SLC5A7: variants seen among roughly 807,000 people sequenced by gnomAD.
SLC5A7 encodes solute carrier family 5 member 7, also known as high affinity choline transporter 1.
Under a neutral mutation model 55.4 loss-of-function variants are expected in SLC5A7, and 19 were observed. The ratio of observed to expected loss-of-function variants is 0.34; its 90% confidence interval spans 0.24 to 0.50. The LOEUF is 0.50. SLC5A7 is among the 20% of genes least tolerant of loss of function. SLC5A7 has a pLI of 0.98. For synonymous variants in SLC5A7, 265 were observed against 263.7 expected (o/e 1.00, Z -0.05); for missense variants, 506 against 705.3 (o/e 0.72, Z 3.20).
At chr2:107,997,786 G>A in intron 4 of SLC5A7, 52 bp from the exon 5 acceptor site, 1 of 1,495,664 alleles carries the variant, frequency 6.7e-7, no homozygotes, top group Non-Finnish European at 9.0e-7. Flanking sequence ...CTTATACAAA[G>A]AGCAGAATCT....
chr2:108,006,271 C>A, intron 7 of SLC5A7, 69 bp downstream of exon 7: 1 of 1,555,756 alleles, frequency 6.4e-7, no homozygotes, highest in African/African-American at 1.4e-5. Context: ...ACCCTTCTGT[C>A]CCACTCCCCT....
chr2:107,987,100 G>A (rs1340775816), intron 1 of SLC5A7, among the ~76,000 whole-genome samples: 2 of 151,984 alleles, frequency 1.3e-5, no homozygotes, highest in East Asian at 3.9e-4. Flanking sequence ...TTCCAGAGAG[G>A]CTGATTCTTT....
chr2:107,990,968 T>G (rs1677431176), intron 2 of SLC5A7, among the ~76,000 whole-genome samples: 1 of 152,200 alleles, frequency 6.6e-6, no homozygotes, highest in South Asian at 2.1e-4. Flanking sequence ...CCATCATAAC[T>G]TTACACAAAT....
At chr2:107,996,757 T>C (rs940853697) in intron 4 of SLC5A7, among the ~76,000 whole-genome samples, 3 of 152,270 alleles carry the variant, frequency 2.0e-5, no homozygotes, top group African/African-American at 7.2e-5. Context: ...AACAATGTTA[T>C]AAAGAGAAAC....
At chr2:107,996,781 C>T (rs1677686734) in intron 4 of SLC5A7, among the ~76,000 whole-genome samples, 1 of 152,076 alleles carries the variant, frequency 6.6e-6, no homozygotes, top group Non-Finnish European at 1.5e-5. Flanking sequence ...AATTTGATTT[C>T]TAAGAGAAGT....
In SLC5A7 at chr2:107,995,464, A is replaced by AGTGTGT. The variant is rs1351455221; in HGVS notation, c.448+2338_448+2339insTGTGTG. Among the ~76,000 whole-genome samples the AGTGTGT allele has an allele frequency of 9.4e-3, 1,215 of 129,044 alleles. 13 individuals carry two copies. The highest frequency in any genetic ancestry group is 0.011 in the Non-Finnish European group (657 of 60,120). The allele number at this position is 129,044 out of a possible 152,430, so 84.7% of individuals were successfully genotyped here. On this transcript the variant is annotated intron_variant, in intron 4 of 8. Transcript: ENST00000264047. ...CTTTGGGAGAGAGAGAGAGAGAGAG[A>AGTGTGT]GAGAGAGTGTGTGTGTGTGTGTGTG...
intron 4 of SLC5A7, among the ~76,000 whole-genome samples, chr2:107,995,444 G>GGGGA (rs1231130356): frequency 2.1e-5 from 3 of 139,828 alleles, no homozygotes; most frequent in Admixed American, 7.5e-5. Flanking sequence ...GAACTCTTTG[G>GGGGA]GAGAGAGAGA....
rs1231489857 is a variant in SLC5A7 at position 107,991,539 on chromosome 2, GAA to G, written c.179-564_179-563del. ...GCTCTGATATCCCCAGAGTGTTCAAGAAAAGACTCTATTAGTGAAAAGTACAT... is the reference window on the plus strand; with the variant it reads ...GCTCTGATATCCCCAGAGTGTTCAAGAAGACTCTATTAGTGAAAAGTACAT... On this transcript the variant is annotated intron_variant, in intron 2 of 8. Transcript: ENST00000264047. Among the ~76,000 whole-genome samples the G allele has an allele frequency of 2.0e-5, 3 of 152,050 alleles. No individual in the cohort carries two copies. In the East Asian group the frequency reaches 5.8e-4, roughly 29 times the overall value.
Position 107,988,470 on chromosome 2 carries a change from T to C in SLC5A7, c.178+137T>C, listed in dbSNP as rs190001486. ...ATTCTTTATGTTCACTAGTTATATA[T>C]ATTTTAAAATAATTTTCTATTGATT... On this transcript the variant is annotated intron_variant, in intron 2 of 8. Coordinates refer to ENST00000264047, the MANE Select transcript of SLC5A7 (RefSeq NM_021815.5). 1.7e-4 allele frequency: 100 copies of C among 597,730 alleles called. 1 individual carries two copies. In the African/African-American group the frequency reaches 1.8e-3, roughly 11 times the overall value. The allele number at this position is 597,730 out of a possible 1,614,324, so 37.0% of individuals were successfully genotyped here. A position where few individuals can be genotyped will look rare whatever the true frequency, so the allele number is the denominator to read the frequency against.
chr2:107,995,943 T>A (rs1419060331), intron 4 of SLC5A7, among the ~76,000 whole-genome samples: 1 of 152,160 alleles, frequency 6.6e-6, no homozygotes, highest in Non-Finnish European at 1.5e-5. Context: ...TACAATTGAT[T>A]TAATTTTTCA....
rs1002896707 is a variant in SLC5A7 at position 108,001,936 on chromosome 2, G to A, written c.637G>A (p.Ala213Thr). Residue 213 changes from alanine to threonine, a missense_variant, in exon 6 of 9, where the codon GCA becomes ACA. Ala to Thr is a moderately conservative substitution (Grantham distance 58, BLOSUM62 0). Transcript: ENST00000264047. ...VPFALSHPAV[A>T]DIGFTAVHAK... Reference sequence around the variant, plus strand: ...CTTTGCATTGTCACATCCTGCAGTCGCAGACATCGGGTTCACTGCTGTGCA... The same window carrying A: ...CTTTGCATTGTCACATCCTGCAGTCACAGACATCGGGTTCACTGCTGTGCA... The A allele has an allele frequency of 6.2e-7, 1 of 1,614,138 alleles. No homozygotes were observed. Among genetic ancestry groups the A allele is most frequent in the Non-Finnish European group, 8.5e-7 (1 of 1,180,030 alleles).
chr2:108,000,807 C>T (rs1360671206), intron 5 of SLC5A7, among the ~76,000 whole-genome samples: 1 of 152,038 alleles, frequency 6.6e-6, no homozygotes, highest in Non-Finnish European at 1.5e-5. Flanking sequence ...GTTGCCCAGT[C>T]TGGTCTAGAA....
intron 6 of SLC5A7, 77 bp from the exon 7 acceptor site, chr2:108,005,972 T>A: frequency 6.4e-7 from 1 of 1,573,388 alleles, no homozygotes; most frequent in Non-Finnish European, 8.7e-7. Context: ...TTAGGCCTAT[T>A]CTAAATGTGA....
chr2:108,006,622 A>C (rs1678134245), intron 7 of SLC5A7, among the ~76,000 whole-genome samples: 1 of 152,140 alleles, frequency 6.6e-6, no homozygotes, highest in African/African-American at 2.4e-5. Flanking sequence ...TCCTGTCAGC[A>C]GTGGATCTCA....
rs535497055 is a variant in SLC5A7 at position 108,004,996 on chromosome 2, T to A, written c.742-1053T>A. On this transcript the variant is annotated intron_variant, in intron 6 of 8. Coordinates refer to ENST00000264047, the MANE Select transcript of SLC5A7 (RefSeq NM_021815.5). ...TAGTTTAAACGTTTTTTATTGTATA[T>A]GCTCAATAAGAAATTTAAGCACATT... Among the ~76,000 whole-genome samples, 3 of 152,348 alleles carry A rather than the reference T, an allele frequency of 2.0e-5. No individual in the cohort carries two copies. The South Asian group carries it at 6.2e-4, about 32-fold the overall frequency.
rs147524735 is a variant in SLC5A7 at position 107,995,666 on chromosome 2, T to A, written c.449-2172T>A. Among the ~76,000 whole-genome samples the A allele has an allele frequency of 6.1e-3, 929 of 152,258 alleles. 16 individuals are homozygous for A. The highest frequency in any genetic ancestry group is 0.021 in the African/African-American group (890 of 41,556). On this transcript the variant is annotated intron_variant, in intron 4 of 8. Coordinates refer to ENST00000264047, the MANE Select transcript of SLC5A7 (RefSeq NM_021815.5). The stretch of plus-strand genomic sequence containing the variant: ...GATTTAATTAAAATTTAGTGTTTAT[T>A]ACAAATAATTTGATATATTCAAGAA...
chr2:107,998,782 G>C (rs796724551), intron 5 of SLC5A7, among the ~76,000 whole-genome samples: 1 of 152,120 alleles, frequency 6.6e-6, no homozygotes, highest in Non-Finnish European at 1.5e-5. Flanking sequence ...TCCTGCAAAG[G>C]CCACAGACTG....
chr2:107,996,357 T>A (rs1463205736), intron 4 of SLC5A7, among the ~76,000 whole-genome samples: 2 of 152,218 alleles, frequency 1.3e-5, no homozygotes, highest in Non-Finnish European at 2.9e-5. Context: ...TTTCAAGGGA[T>A]CTTTACTCTG....
chr2:107,998,490 G>T (rs73953532), intron 5 of SLC5A7, among the ~76,000 whole-genome samples: 4,320 of 152,214 alleles, frequency 0.028, 97 homozygotes, highest in African/African-American at 0.057. Flanking sequence ...GCACCAGAAA[G>T]ATTTATTATC....
Sources: gnomAD v4.1 joint callset for allele counts (sites outside exome capture counted in the v4.1 genomes callset) on GRCh38, gnomAD v4.1.1 for gene constraint, MANE v1.5 for transcripts, NCBI Gene and HGNC (gene_info 2026-07-23, HGNC 2026-07-21) for gene names.